NAV3: variants seen among roughly 807,000 people sequenced by gnomAD.
NAV3 encodes pore membrane and/or filament interacting like protein 1.
In NAV3, 87 loss-of-function variants were observed where a neutral mutation model predicts 244.7. That is an observed-to-expected ratio of 0.36 (90% CI 0.30 to 0.42). NAV3 has a LOEUF of 0.42. Among genes scored for constraint, NAV3 ranks in the 20% least tolerant of loss-of-function variants. NAV3 has a pLI of 1.00. For missense variants in NAV3, 2,663 were observed against 2,893.3 expected (o/e 0.92, Z 1.83); for synonymous variants, 1,126 against 1,042.2 (o/e 1.08, Z -1.55).
intron 1 of NAV3, among the ~76,000 whole-genome samples, chr12:77,885,817 C>G (rs1056487511): frequency 2.6e-5 from 4 of 152,120 alleles, no homozygotes; most frequent in African/African-American, 7.2e-5. Flanking sequence ...AGTTTAAATA[C>G]AACCGGAGAC....
intron 39 of NAV3, among the ~76,000 whole-genome samples, chr12:78,206,274 C>G (rs777205813): frequency 4.6e-5 from 7 of 151,974 alleles, no homozygotes; most frequent in Non-Finnish European, 1.0e-4. Flanking sequence ...GGTACCTGGC[C>G]TTTTAGATGA....
intron 12 of NAV3, among the ~76,000 whole-genome samples, chr12:78,096,831 GA>G (rs1234826747): frequency 6.6e-6 from 1 of 152,124 alleles, no homozygotes; most frequent in Non-Finnish European, 1.5e-5. Flanking sequence ...CCATTCTGTT[GA>G]GGTTCTGAGC....
chr12:78,055,527 A>G (rs1317857019), intron 11 of NAV3, among the ~76,000 whole-genome samples: 1 of 152,220 alleles, frequency 6.6e-6, no homozygotes, highest in African/African-American at 2.4e-5. Flanking sequence ...TTTGTTCTTC[A>G]CATAAAACCC....
intron 19 of NAV3, among the ~76,000 whole-genome samples, chr12:78,140,035 G>A (rs1956539197): frequency 6.6e-6 from 1 of 152,140 alleles, no homozygotes; most frequent in Non-Finnish European, 1.5e-5. Context: ...GGCTGGTAGG[G>A]CTCATGCTTG....
At chr12:77,910,150 G>A (rs1430616877) in intron 1 of NAV3, among the ~76,000 whole-genome samples, 1 of 152,018 alleles carries the variant, frequency 6.6e-6, no homozygotes, top group Non-Finnish European at 1.5e-5. Context: ...TTGAGACCGG[G>A]TAATTTATAA....
At chr12:77,660,407 C>G (rs144877196) in intron 2 of NAV3, among the ~76,000 whole-genome samples, 2 of 152,082 alleles carry the variant, frequency 1.3e-5, no homozygotes, top group Admixed American at 1.3e-4. Flanking sequence ...GCAAAGAAAT[C>G]GGGAGATTCA....
chr12:78,058,160 C>A (rs1014623551), intron 11 of NAV3, among the ~76,000 whole-genome samples: 4 of 151,934 alleles, frequency 2.6e-5, no homozygotes, highest in Non-Finnish European at 4.4e-5. Flanking sequence ...ACATAGAATT[C>A]TAGGAAGATG....
chr12:78,175,182 A>C, intron 24 of NAV3, 124 bp from the exon 25 acceptor site: 1 of 1,016,244 alleles, frequency 9.8e-7, no homozygotes, highest in Non-Finnish European at 1.4e-6. Flanking sequence ...AACTGCATTG[A>C]AATTATCTGT....
intron 12 of NAV3, among the ~76,000 whole-genome samples, chr12:78,064,578 T>G (rs757669481): frequency 6.6e-6 from 1 of 152,052 alleles, no homozygotes; most frequent in Non-Finnish European, 1.5e-5. Flanking sequence ...ATTACCTCTG[T>G]AAAAGTCCTG....
chr12:77,619,369 CA>C (rs1460327916), intron 2 of NAV3, among the ~76,000 whole-genome samples: 1 of 152,168 alleles, frequency 6.6e-6, no homozygotes, highest in Middle Eastern at 3.2e-3. Context: ...TCAGGCAGAT[CA>C]AGAAATCAGA....
chr12:78,000,408 T>C (rs1242962809), intron 7 of NAV3, among the ~76,000 whole-genome samples: 1 of 152,136 alleles, frequency 6.6e-6, no homozygotes, highest in South Asian at 2.1e-4. Flanking sequence ...ATAACAATGT[T>C]CATAAATTAA....
At position 77,968,549 on chromosome 12, in the gene NAV3, T is replaced by G. The variant is rs1453953290; in HGVS notation, c.518T>G (p.Leu173Arg). Residue 173 changes from leucine to arginine, a missense_variant, in exon 5 of 40, where the codon CTA (leucine) becomes CGA (arginine). By Grantham distance (102) the Leu-to-Arg change is moderately radical. This residue lies in a region of NAV3 where 1,521 missense variants were observed against 1,497.0 expected (regional missense o/e 1.02). Transcript: ENST00000397909. Reference protein sequence around the residue: ...EIRNGNLKAILGLFFSLSRYK... With the variant: ...EIRNGNLKAIRGLFFSLSRYK... ...AGAAATGGAAACTTAAAAGCCATTC[T>G]AGGGCTGTTTTTCAGTTTATCTCGC... 1 of 1,614,046 alleles carries G rather than the reference T, an allele frequency of 6.2e-7. No homozygotes were observed. The highest frequency in any genetic ancestry group is 2.2e-5 in the East Asian group (1 of 44,878).
chr12:77,741,466 T>C (rs1010031379), intron 2 of NAV3, among the ~76,000 whole-genome samples: 5 of 152,172 alleles, frequency 3.3e-5, no homozygotes, highest in Admixed American at 2.6e-4. Context: ...GTTTTCTGTT[T>C]TTGTATTTGA....
At chr12:77,775,169 A>C (rs1870288663) in intron 2 of NAV3, among the ~76,000 whole-genome samples, 1 of 152,118 alleles carries the variant, frequency 6.6e-6, no homozygotes, top group South Asian at 2.1e-4. Flanking sequence ...AAGTGGGCAG[A>C]TCACCTGAGT....
intron 1 of NAV3, among the ~76,000 whole-genome samples, chr12:77,928,148 G>T (rs1677899): frequency 0.12 from 17,851 of 150,462 alleles, 1,148 homozygotes; most frequent in South Asian, 0.2. Flanking sequence ...GCTTGAATCA[G>T]GGAGGTAGAG....
chr12:77,761,396 G>T (rs1463470438), intron 2 of NAV3, among the ~76,000 whole-genome samples: 3 of 152,136 alleles, frequency 2.0e-5, no homozygotes, highest in African/African-American at 7.2e-5. Context: ...CAGTTCAGCT[G>T]CTATCTCCCA....
chr12:78,070,402 GTTT>G (rs369994220), intron 12 of NAV3, among the ~76,000 whole-genome samples: 1 of 139,438 alleles, frequency 7.2e-6, no homozygotes, highest in Non-Finnish European at 1.6e-5. Flanking sequence ...CTCAGGTGAA[GTTT>G]TTTTTTTTTT....
chr12:77,881,007 A>G (rs1882569879), intron 1 of NAV3, among the ~76,000 whole-genome samples: 1 of 152,182 alleles, frequency 6.6e-6, no homozygotes, highest in Non-Finnish European at 1.5e-5. Context: ...TGCCCAGGCT[A>G]GAAGGCACAG....
At position 78,188,559 on chromosome 12, in the gene NAV3, G is replaced by A. The variant is rs767293830; in HGVS notation, c.5887-50G>A. On this transcript the variant is annotated intron_variant, in intron 32 of 39. Coordinates refer to ENST00000397909, the MANE Select transcript of NAV3 (RefSeq NM_001024383.2). ...CCCTGTGAGTTATGTATTTGTTGTA[G>A]ATGAGTTGAACCTCTGTTTTGATTT... 2.6e-6 allele frequency: 4 copies of A among 1,550,546 alleles called. No homozygotes were observed. The African/African-American group carries it at 5.5e-5, about 21-fold the overall frequency.
Sources: gnomAD v4.1 joint callset for allele counts (sites outside exome capture counted in the v4.1 genomes callset) on GRCh38, gnomAD v4.1.1 for gene constraint, gnomAD v4.1.1 regional missense constraint, MANE v1.5 for transcripts, NCBI Gene and HGNC (gene_info 2026-07-23, HGNC 2026-07-21) for gene names.